The following TIAM1 variants were observed in gnomAD, a reference collection of about 807,000 sequenced individuals.
TIAM1 encodes rho guanine nucleotide exchange factor TIAM1.
TIAM1 carries 65 observed loss-of-function variants against 163.5 expected under a neutral mutation model. The observed-to-expected ratio is 0.40, with a 90% CI of 0.33 to 0.49. The LOEUF (loss-of-function observed/expected upper bound fraction) is 0.49. Among genes scored for constraint, TIAM1 ranks in the 20% least tolerant of loss-of-function variants. TIAM1 has a pLI of 0.77. For missense variants in TIAM1, 1,789 were observed against 2,044.7 expected (o/e 0.87, Z 2.41); for synonymous variants, 833 against 810.1 (o/e 1.03, Z -0.48).
At chr21:31,199,754 C>T (rs561401331) in intron 12 of TIAM1, among the ~76,000 whole-genome samples, 15 of 151,602 alleles carry the variant, frequency 9.9e-5, no homozygotes, top group Admixed American at 3.3e-4. Context: ...TGGTCTCGAA[C>T]TCCTGACCTC....
chr21:31,374,764 T>C (rs1390308510), intron 2 of TIAM1, among the ~76,000 whole-genome samples: 1 of 152,254 alleles, frequency 6.6e-6, no homozygotes, highest in Non-Finnish European at 1.5e-5. Flanking sequence ...AGAATTTATT[T>C]ATTCAGCTTC....
At position 31,211,745 on chromosome 21, in the gene TIAM1, T is replaced by C. The variant is rs2086895118; in HGVS notation, c.2218-1530A>G. On this transcript the variant is annotated intron_variant, in intron 10 of 27. Transcript: ENST00000541036. ...AATCCCATTAAGTATAATTGGAATATTCAGACTCTGTTCCAGTGTGCCACA... is the reference window on the plus strand; with the variant it reads ...AATCCCATTAAGTATAATTGGAATACTCAGACTCTGTTCCAGTGTGCCACA... 2.6e-5 allele frequency among the ~76,000 whole-genome samples: 4 copies of C among 152,320 alleles called. No individual in the cohort carries two copies. The South Asian group carries it at 8.3e-4, about 32-fold the overall frequency.
intron 10 of TIAM1, among the ~76,000 whole-genome samples, chr21:31,212,233 T>G (rs1436529192): frequency 2.6e-5 from 4 of 152,038 alleles, no homozygotes; most frequent in Non-Finnish European, 4.4e-5. Flanking sequence ...TCCCCTCCAA[T>G]AGCAGAACTC....
chr21:31,240,208 A>G (rs910583593), intron 6 of TIAM1, among the ~76,000 whole-genome samples: 2 of 152,050 alleles, frequency 1.3e-5, no homozygotes, highest in East Asian at 1.9e-4. Flanking sequence ...ATCAACATCA[A>G]TGGGGGTTGG....
chr21:31,418,495 T>A (rs1287678694), intron 2 of TIAM1, among the ~76,000 whole-genome samples: 1 of 151,922 alleles, frequency 6.6e-6, no homozygotes, highest in African/African-American at 2.4e-5. Flanking sequence ...CAACTTGGAT[T>A]TAAGAAAATG....
rs1308426547 is a variant in TIAM1 at position 31,453,888 on chromosome 21, T to C, written c.-369+10095A>G. On this transcript the variant is annotated intron_variant, in intron 2 of 28. Transcript: ENST00000286827. ...CGCTGAACCTTCTATACGCTCCTTC[T>C]TGCTCAGCCTGGTCCAGGCACACTG... Among the ~76,000 whole-genome samples the C allele has an allele frequency of 2.6e-5, 4 of 152,168 alleles. No homozygotes were observed. In the East Asian group the frequency reaches 7.7e-4, roughly 29 times the overall value.
intron 2 of TIAM1, among the ~76,000 whole-genome samples, chr21:31,292,521 C>A (rs1339339978): frequency 6.6e-6 from 1 of 151,838 alleles, no homozygotes; most frequent in Non-Finnish European, 1.5e-5. Flanking sequence ...AAGCATGCGC[C>A]ACCAGGCCAG....
At position 31,372,603 on chromosome 21, in the gene TIAM1, A is replaced by G. The variant is rs571833394; in HGVS notation, c.-368-33181T>C. ...AGAGAAGATGTGGACAGGAAGGGGC[A>G]GGCGAGGGTAGGGGTGGGGGCAGGG... On this transcript the variant is annotated intron_variant, in intron 2 of 28. Coordinates refer to the TIAM1 transcript ENST00000286827. Among the ~76,000 whole-genome samples the G allele has an allele frequency of 2.6e-3, 392 of 152,276 alleles. 4 individuals carry two copies. The highest frequency in any genetic ancestry group is 9.3e-3 in the African/African-American group (386 of 41,544).
At chr21:31,190,704 T>C (rs2085517603) in intron 13 of TIAM1, among the ~76,000 whole-genome samples, 1 of 152,102 alleles carries the variant, frequency 6.6e-6, no homozygotes, top group African/African-American at 2.4e-5. Context: ...TGTAACTGGA[T>C]ATGTGAACTA....
chr21:31,223,685 C>T, intron 7 of TIAM1, 94 bp from the exon 8 acceptor site: 1 of 1,269,046 alleles, frequency 7.9e-7, no homozygotes, highest in East Asian at 2.6e-5. Flanking sequence ...GTCGTAAAGG[C>T]ATTCATTATA....
At chr21:31,380,372 T>C (rs1309124801) in intron 2 of TIAM1, among the ~76,000 whole-genome samples, 2 of 152,116 alleles carry the variant, frequency 1.3e-5, no homozygotes, top group African/African-American at 4.8e-5. Flanking sequence ...GGTGAAACCC[T>C]GTCTCTACTA....
chr21:31,351,257 T>A (rs1317669291), intron 2 of TIAM1, among the ~76,000 whole-genome samples: 7 of 152,092 alleles, frequency 4.6e-5, no homozygotes. Flanking sequence ...TCAGAAGGAG[T>A]AAGTGACTTG....
chr21:31,351,445 C>T (rs149938075), intron 2 of TIAM1, among the ~76,000 whole-genome samples: 264 of 152,228 alleles, frequency 1.7e-3, no homozygotes, highest in African/African-American at 5.8e-3. Context: ...ACAAAAGGCA[C>T]ATACAAATAA....
chr21:31,209,432 G>A (rs528263079), intron 11 of TIAM1, among the ~76,000 whole-genome samples: 5 of 152,262 alleles, frequency 3.3e-5, no homozygotes, highest in African/African-American at 1.2e-4. Flanking sequence ...ATGGTTTAAG[G>A]TGAAAGAGAA....
intron 15 of TIAM1, among the ~76,000 whole-genome samples, chr21:31,175,967 G>C (rs1477367638): frequency 3.3e-5 from 5 of 152,150 alleles, no homozygotes; most frequent in Non-Finnish European, 7.3e-5. Flanking sequence ...GATGTTCCCT[G>C]CAACATTTCC....
intron 1 of TIAM1, among the ~76,000 whole-genome samples, chr21:31,465,780 C>T (rs1365006880): frequency 6.6e-6 from 1 of 152,204 alleles, no homozygotes; most frequent in African/African-American, 2.4e-5. Flanking sequence ...CCGTGTTAGC[C>T]TGGATGGTCT....
At chr21:31,388,608 T>C (rs2076918773) in intron 2 of TIAM1, among the ~76,000 whole-genome samples, 1 of 152,024 alleles carries the variant, frequency 6.6e-6, no homozygotes, top group Non-Finnish European at 1.5e-5. Flanking sequence ...CAGTAAGCCA[T>C]GATCATGCCA....
chr21:31,473,707 T>C lies in TIAM1; in HGVS notation c.-421-9672A>G, dbSNP rs149095809. On this transcript the variant is annotated intron_variant, in intron 1 of 28. Coordinates refer to the TIAM1 transcript ENST00000286827. ...TAGCAGGAAAGGGGTCCCAGTACAG[T>C]CAAAGATCAGCGAGTGAGCCAGGGA... 2.6e-3 allele frequency among the ~76,000 whole-genome samples: 399 copies of C among 152,058 alleles called. 6 individuals carry two copies. Among genetic ancestry groups the C allele is most frequent in the African/African-American group, 8.6e-3 (355 of 41,506 alleles).
Position 31,266,756 on chromosome 21 carries a change from G to C in TIAM1, c.217C>G (p.Leu73Val). The change falls in exon 4 of 28, where the codon CTG (leucine) becomes GTG (valine). Residue 73 changes from leucine (L) to valine (V), a missense_variant. Physicochemically the swap from Leu to Val is conservative, Grantham distance 32. Coordinates refer to ENST00000541036, the MANE Select transcript of TIAM1 (RefSeq NM_001353694.2). ...SIPQSLAENG[L>V]EPFSQDGTLE... ...GTACCATCTTGGGAGAAGGGCTCCA[G>C]GCCATTTTCAGCCAGGGACTGGGGG... The C allele has an allele frequency of 6.2e-7, 1 of 1,614,216 alleles. No individual in the cohort carries two copies. Among genetic ancestry groups the C allele is most frequent in the Non-Finnish European group, 8.5e-7 (1 of 1,180,038 alleles).
Sources: gnomAD v4.1 joint callset for allele counts (sites outside exome capture counted in the v4.1 genomes callset) on GRCh38, gnomAD v4.1.1 for gene constraint, MANE v1.5 for transcripts, NCBI Gene and HGNC (gene_info 2026-07-23, HGNC 2026-07-21) for gene names.